Variants in ARMC10 observed in about 807,000 individuals in gnomAD.
ARMC10 encodes the protein armadillo repeat containing 10, also known as armadillo repeat-containing protein 10.
ARMC10 carries 23 observed loss-of-function variants against 30.2 expected under a neutral mutation model. The observed-to-expected ratio is 0.76, with a 90% CI of 0.55 to 1.08. The LOEUF is 1.08. Among genes scored for constraint, ARMC10 ranks in the 50% least tolerant of loss-of-function variants. The pLI is 0.00. For missense variants in ARMC10, 303 were observed against 413.7 expected (o/e 0.73, Z 2.32); for synonymous variants, 111 against 164.4 (o/e 0.68, Z 2.48).
chr7:103,094,333 G>A (rs74751173), intron 5 of ARMC10, among the ~76,000 whole-genome samples: 3,144 of 151,994 alleles, frequency 0.021, 108 homozygotes, highest in African/African-American at 0.067. Context: ...TGCATGTGAC[G>A]AGGAAAAAAA....
intron 2 of ARMC10, chr7:103,081,796 A>G (rs1800409476): frequency 1.8e-5 from 8 of 441,488 alleles, no homozygotes; most frequent in South Asian, 1.3e-4. Context: ...GTATGTATGC[A>G]TGTGTATATG....
intron 1 of ARMC10, 34 bp downstream of exon 1, chr7:103,075,445 G>T: frequency 7.8e-7 from 1 of 1,282,528 alleles, no homozygotes. Context: ...GGTGGGCGGG[G>T]ACTGGGCAGG....
At chr7:103,093,254 A>G (rs1374215651) in intron 5 of ARMC10, among the ~76,000 whole-genome samples, 1 of 152,224 alleles carries the variant, frequency 6.6e-6, no homozygotes, top group Non-Finnish European at 1.5e-5. Flanking sequence ...AGGCTAATTA[A>G]AAGTTCTGAT....
chr7:103,079,543 TCTGGAGTC>T (rs1342819718), intron 2 of ARMC10, among the ~76,000 whole-genome samples: 1 of 152,234 alleles, frequency 6.6e-6, no homozygotes, highest in Non-Finnish European at 1.5e-5. Flanking sequence ...TCAACGTTCT[TCTGGAGTC>T]ATAGCTTGAT....
chr7:103,077,011 C>T (rs556626279), intron 2 of ARMC10, among the ~76,000 whole-genome samples: 3 of 152,268 alleles, frequency 2.0e-5, no homozygotes, highest in South Asian at 4.1e-4. Flanking sequence ...CTCCTCCCAC[C>T]TCACCCCACT....
chr7:103,092,440 A>G, intron 4 of ARMC10, 37 bp from the exon 5 acceptor site: 1 of 1,474,398 alleles, frequency 6.8e-7, no homozygotes, highest in Non-Finnish European at 9.2e-7. Flanking sequence ...AAAATTTTGG[A>G]GATTCTAAGA....
At chr7:103,095,339 C>A (rs2129524351) in intron 5 of ARMC10, among the ~76,000 whole-genome samples, 1 of 152,312 alleles carries the variant, frequency 6.6e-6, no homozygotes, top group Non-Finnish European at 1.5e-5. Flanking sequence ...AGTGATCTGC[C>A]CACCTTGGCC....
chr7:103,078,087 A>C (rs547805773), intron 2 of ARMC10, among the ~76,000 whole-genome samples: 1 of 151,906 alleles, frequency 6.6e-6, no homozygotes, highest in East Asian at 1.9e-4. Context: ...CCGCCACCTC[A>C]TGGGTTCAAG....
chr7:103,077,201 T>C (rs2129519397), intron 2 of ARMC10, among the ~76,000 whole-genome samples: 1 of 152,308 alleles, frequency 6.6e-6, no homozygotes, highest in Non-Finnish European at 1.5e-5. Flanking sequence ...AATAAAGGAT[T>C]TTTAATTACA....
In ARMC10 at chr7:103,075,222, C is replaced by G. The variant is rs1049383160; in HGVS notation, c.-51C>G. 2.3e-5 allele frequency: 26 copies of G among 1,136,776 alleles called. No individual in the cohort carries two copies. Among genetic ancestry groups the G allele is most frequent in the Non-Finnish European group, 2.7e-5 (25 of 927,402 alleles). 70.4% of individuals were successfully genotyped at this position (1,136,776 alleles called of 1,614,324 possible). On this transcript the variant is annotated 5_prime_UTR_variant, in exon 1 of 7. Transcript: ENST00000323716. ...GCGCTGGAGACCTCCGCGCTGGCCC[C>G]CGCGAGCCTCCTGCCCTGGCCCGGC...
intron 2 of ARMC10, among the ~76,000 whole-genome samples, chr7:103,082,907 T>G (rs1377765835): frequency 6.6e-6 from 1 of 152,234 alleles, no homozygotes; most frequent in African/African-American, 2.4e-5. Flanking sequence ...CCAGCAGGAC[T>G]ATTATTCTAG....
At position 103,086,691 on chromosome 7, in the gene ARMC10, A is replaced by G; in HGVS notation, c.455A>G (p.Gln152Arg). 8 of 1,596,118 alleles carry G rather than the reference A, an allele frequency of 5.0e-6. No homozygotes were observed. The highest frequency in any genetic ancestry group is 6.8e-6 in the Non-Finnish European group (8 of 1,175,838). Residue 152 changes from glutamine (Q) to arginine (R), a missense_variant, in exon 4 of 7, where the codon CAG becomes CGG. Gln to Arg is a conservative substitution (Grantham distance 43, BLOSUM62 1). Transcript: ENST00000323716. ...GCAAACAAAATCAACCATTCCAACCAGAGTATTAAAGAGAAAGCTTTAAAT... is the reference window on the plus strand; with the variant it reads ...GCAAACAAAATCAACCATTCCAACCGGAGTATTAAAGAGAAAGCTTTAAAT... ...IVANKINHSN[Q>R]SIKEKALNAL...
chr7:103,075,905 A>C lies in ARMC10; in HGVS notation c.244+24A>C, dbSNP rs773707484. The C allele has an allele frequency of 3.9e-6, 6 of 1,524,852 alleles. No homozygotes were observed. In the East Asian group the frequency reaches 1.4e-4, roughly 37 times the overall value. The allele number at this position is 1,524,852 out of a possible 1,614,324, so 94.5% of individuals were successfully genotyped here. A position where few individuals can be genotyped will look rare whatever the true frequency, so the allele number is the denominator to read the frequency against. ...TGGTGTGTGTTTTGGAAATGGGAAC[A>C]GTTGTCTGCGCGAGACACACCCTCC... On this transcript the variant is annotated intron_variant, in intron 2 of 6. Coordinates refer to ENST00000323716, the MANE Select transcript of ARMC10 (RefSeq NM_031905.5).
At chr7:103,095,912 C>T (rs891035120) in intron 5 of ARMC10, 1 of 141,630 alleles carries the variant, frequency 7.1e-6, no homozygotes, top group Non-Finnish European at 1.5e-5. Context: ...GGAAGGGGAA[C>T]ATCACACTCT....
chr7:103,092,165 T>C (rs6955481), intron 4 of ARMC10, among the ~76,000 whole-genome samples: 151,892 of 151,910 alleles, frequency 1, 75,937 homozygotes, highest in Middle Eastern at 1. Context: ...ACCCCGTCTC[T>C]ACTAAAAATA....
At chr7:103,096,284 T>TGAGGCCAGGAGTTC (rs1345271054) in intron 5 of ARMC10, 1 of 152,198 alleles carries the variant, frequency 6.6e-6, no homozygotes, top group Non-Finnish European at 1.5e-5. Flanking sequence ...GAGGATTGCT[T>TGAGGCCAGGAGTTC]GAGGCCAGGA....
intron 2 of ARMC10, among the ~76,000 whole-genome samples, chr7:103,081,234 C>A (rs912649082): frequency 6.6e-6 from 1 of 152,170 alleles, no homozygotes; most frequent in African/African-American, 2.4e-5. Flanking sequence ...TTAGTTTTAA[C>A]TACCACATTG....
intron 5 of ARMC10, among the ~76,000 whole-genome samples, chr7:103,095,521 T>C (rs911272563): frequency 6.7e-6 from 1 of 149,904 alleles, no homozygotes; most frequent in Non-Finnish European, 1.5e-5. Context: ...TAATAAAAAA[T>C]TTTTCTAAAA....
intron 6 of ARMC10, among the ~76,000 whole-genome samples, chr7:103,097,999 G>C (rs1413781121): frequency 6.6e-6 from 1 of 152,052 alleles, no homozygotes; most frequent in Non-Finnish European, 1.5e-5. Flanking sequence ...AAAAGAAAAT[G>C]GTTGTTTTTC....
Sources: gnomAD v4.1 joint callset for allele counts (sites outside exome capture counted in the v4.1 genomes callset) on GRCh38, gnomAD v4.1.1 for gene constraint, MANE v1.5 for transcripts, NCBI Gene and HGNC (gene_info 2026-07-23, HGNC 2026-07-21) for gene names.